Variants in PRPSAP1 observed in about 807,000 individuals in gnomAD.
PRPSAP1 encodes phosphoribosyl pyrophosphate synthetase associated protein 1.
In PRPSAP1, 31 loss-of-function variants were observed where a neutral mutation model predicts 39.4. That is an observed-to-expected ratio of 0.79 (90% CI 0.59 to 1.06). The LOEUF is 1.06. Among genes scored for constraint, PRPSAP1 ranks in the 50% least tolerant of loss-of-function variants. The probability of loss-of-function intolerance (pLI) is 0.00; values close to 1 mark genes in which losing one functional copy is unlikely to be tolerated. For missense variants in PRPSAP1, 430 were observed against 511.6 expected (o/e 0.84, Z 1.54); for synonymous variants, 212 against 192.6 (o/e 1.10, Z -0.83).
chr17:76,346,668 AGTT>A (rs1369675708), intron 2 of PRPSAP1, among the ~76,000 whole-genome samples: 1 of 152,236 alleles, frequency 6.6e-6, no homozygotes, highest in African/African-American at 2.4e-5. Context: ...GCTTGTGAAA[AGTT>A]GTTAAACAAC....
In PRPSAP1 at chr17:76,353,632, G is replaced by A. The variant is rs767321204; in HGVS notation, c.72C>T (p.Pro24=). ...CGGCGTTCATGGCCGGCGGGGGAAC[G>A]GGGCGGGCGCGCGGGACGCGGAAAG... The part of the protein sequence containing the change: ...SSAFRVPRAR[P]VPPPAMNAAR... The change falls in exon 1 of 10, where the codon CCC becomes CCT. Residue 24 remains proline (P), a synonymous_variant. Transcript: ENST00000446526. 3.2e-6 allele frequency: 5 copies of A among 1,542,646 alleles called. No homozygotes were observed. Among genetic ancestry groups the A allele is most frequent in the South Asian group, 2.4e-5 (2 of 84,062 alleles).
rs1430248388 is a variant in PRPSAP1, at chr17:76,353,897, G to T, written c.-194C>A. 3.0e-6 allele frequency: 4 copies of T among 1,331,796 alleles called. No homozygotes were observed. The African/African-American group carries it at 6.2e-5, about 21-fold the overall frequency. The allele number at this position is 1,331,796 out of a possible 1,614,324, so 82.5% of individuals were successfully genotyped here. On this transcript the variant is annotated 5_prime_UTR_variant, in exon 1 of 10. Coordinates refer to ENST00000446526, the MANE Select transcript of PRPSAP1 (RefSeq NM_002766.3). ...CCGAGCCTTCGCAGCGCCCGGCGCC[G>T]CCGCCTCAGAGCCAGAGGCAAGGCC... is the stretch of plus-strand genomic sequence containing the variant.
chr17:76,348,724 T>C (rs1211841009), intron 1 of PRPSAP1, 143 bp from the exon 2 acceptor site: 3 of 640,030 alleles, frequency 4.7e-6, no homozygotes, highest in East Asian at 3.6e-5. Context: ...ATCTAATTCA[T>C]TAAACTAAAA....
At chr17:76,347,728 A>G (rs1275753384) in intron 2 of PRPSAP1, among the ~76,000 whole-genome samples, 1 of 152,048 alleles carries the variant, frequency 6.6e-6, no homozygotes, top group East Asian at 1.9e-4. Flanking sequence ...AAACCGTGGC[A>G]GGGCAGGAGT....
At chr17:76,350,283 C>T (rs2071553781) in intron 1 of PRPSAP1, among the ~76,000 whole-genome samples, 1 of 151,526 alleles carries the variant, frequency 6.6e-6, no homozygotes, top group Admixed American at 6.6e-5. Context: ...ACTAAAAATA[C>T]AAAAAATTAG....
intron 3 of PRPSAP1, among the ~76,000 whole-genome samples, chr17:76,343,958 T>C (rs910211974): frequency 6.6e-6 from 1 of 152,152 alleles, no homozygotes; most frequent in Non-Finnish European, 1.5e-5. Context: ...TATAACTTTT[T>C]TTTTTCTTTG....
At chr17:76,349,567 CCTAA>C (rs1240454344) in intron 1 of PRPSAP1, among the ~76,000 whole-genome samples, 9 of 151,820 alleles carry the variant, frequency 5.9e-5, no homozygotes, top group African/African-American at 2.2e-4. Flanking sequence ...TCGAGACCAG[CCTAA>C]CTAATATAAT....
rs369499551 is a variant in PRPSAP1, at chr17:76,311,535, G to T, written c.*7C>A. ...CAGGAGGTCCAGGGTCGAGACCCTC[G>T]TGAAAGCTAGTCATCCACAGTGATG... On this transcript the variant is annotated 3_prime_UTR_variant, in exon 10 of 10. Coordinates refer to ENST00000446526, the MANE Select transcript of PRPSAP1 (RefSeq NM_002766.3). 6.8e-6 allele frequency: 11 copies of T among 1,612,878 alleles called. No homozygotes were observed. Among genetic ancestry groups the T allele is most frequent in the Non-Finnish European group, 9.3e-6 (11 of 1,179,430 alleles).
In PRPSAP1 at chr17:76,353,885, G is replaced by C; in HGVS notation, c.-182C>G. The C allele has an allele frequency of 7.5e-7, 1 of 1,328,848 alleles. No individual in the cohort carries two copies. The highest frequency in any genetic ancestry group is 9.6e-7 in the Non-Finnish European group (1 of 1,044,694). The allele number at this position is 1,328,848 out of a possible 1,614,324, so 82.3% of individuals were successfully genotyped here. On this transcript the variant is annotated 5_prime_UTR_variant, in exon 1 of 10. Transcript: ENST00000446526. ...TGACTACAGCGGCCGAGCCTTCGCAGCGCCCGGCGCCGCCGCCTCAGAGCC... is the reference window on the plus strand; with the variant it reads ...TGACTACAGCGGCCGAGCCTTCGCACCGCCCGGCGCCGCCGCCTCAGAGCC...
At chr17:76,342,632 G>A (rs2071451699) in intron 3 of PRPSAP1, among the ~76,000 whole-genome samples, 3 of 151,264 alleles carry the variant, frequency 2.0e-5, no homozygotes, top group South Asian at 2.1e-4. Context: ...TGGGAGGATC[G>A]CTTTGAGTTC....
In PRPSAP1 at chr17:76,323,847, T is replaced by C. The variant is rs138335066; in HGVS notation, c.781+4870A>G. On this transcript the variant is annotated intron_variant, in intron 7 of 9. Transcript: ENST00000446526. ...GGGTTTGAGAACAGTGACTACAATT[T>C]TGAAAGTAGTTCTTTCGGCTGGGCG... is the stretch of plus-strand genomic sequence containing the variant. Among the ~76,000 whole-genome samples the C allele has an allele frequency of 1.3e-3, 196 of 152,276 alleles. 3 individuals are homozygous for C. The East Asian group carries it at 0.034, about 26-fold the overall frequency.
At chr17:76,319,658 G>A (rs546992734) in intron 7 of PRPSAP1, among the ~76,000 whole-genome samples, 42 of 151,662 alleles carry the variant, frequency 2.8e-4, no homozygotes, top group East Asian at 6.0e-4. Flanking sequence ...TAGTAGAGAC[G>A]GGGTTTCACC....
At chr17:76,334,188 G>A (rs2071355378) in intron 3 of PRPSAP1, among the ~76,000 whole-genome samples, 1 of 152,108 alleles carries the variant, frequency 6.6e-6, no homozygotes, top group African/African-American at 2.4e-5. Flanking sequence ...TCTTGGGGTG[G>A]GGGTGGGGGT....
rs2071205185 is a variant in PRPSAP1 at position 76,322,204 on chromosome 17, C to A, written c.781+6513G>T. ...TTGAGGTCAGGAGTTCGTGACCAGCCCGACCAACATGGTGAAACCTCATCT... is the reference window on the plus strand; with the variant it reads ...TTGAGGTCAGGAGTTCGTGACCAGCACGACCAACATGGTGAAACCTCATCT... On this transcript the variant is annotated intron_variant, in intron 7 of 9. Transcript: ENST00000446526. Among the ~76,000 whole-genome samples the A allele has an allele frequency of 3.9e-5, 6 of 152,206 alleles. 1 individual carries two copies. The highest frequency in any genetic ancestry group is 3.9e-4 in the Admixed American group (6 of 15,284).
At chr17:76,325,299 T>G (rs919330452) in intron 7 of PRPSAP1, among the ~76,000 whole-genome samples, 2 of 144,280 alleles carry the variant, frequency 1.4e-5, no homozygotes, top group Non-Finnish European at 3.0e-5. Flanking sequence ...GTCCCAGCTA[T>G]TCGGGAGGCT....
At chr17:76,347,996 A>C (rs1000039552) in intron 2 of PRPSAP1, among the ~76,000 whole-genome samples, 6 of 152,156 alleles carry the variant, frequency 3.9e-5, no homozygotes, top group African/African-American at 1.4e-4. Flanking sequence ...GTAAGGAAGC[A>C]GTAGTAAGAA....
At chr17:76,344,229 G>A (rs1482356606) in intron 3 of PRPSAP1, among the ~76,000 whole-genome samples, 6 of 152,144 alleles carry the variant, frequency 3.9e-5, no homozygotes, top group East Asian at 1.9e-4. Context: ...CTGGGTTCAC[G>A]CCTTTCTCCT....
rs1055662557 is a variant in PRPSAP1, at chr17:76,353,289, G to C, written c.170+245C>G. The C allele has an allele frequency of 3.2e-4, 154 of 483,340 alleles. 2 individuals carry two copies. The East Asian group carries it at 5.7e-3, about 18-fold the overall frequency. The allele number at this position is 483,340 out of a possible 1,614,324, so 29.9% of individuals were successfully genotyped here. ...GGACTGCGGAGACGAAAGGCAGGCA[G>C]GCCGCGGACCCAGTCACGGGGCGGG... On this transcript the variant is annotated intron_variant, in intron 1 of 9. Transcript: ENST00000446526.
At chr17:76,345,939 T>C in intron 2 of PRPSAP1, 1 of 450,158 alleles carries the variant, frequency 2.2e-6, no homozygotes, top group Non-Finnish European at 4.4e-6. Flanking sequence ...AACCTGCTCC[T>C]CCCTCCAAAG....
Sources: gnomAD v4.1 joint callset for allele counts (sites outside exome capture counted in the v4.1 genomes callset) on GRCh38, gnomAD v4.1.1 for gene constraint, MANE v1.5 for transcripts, NCBI Gene and HGNC (gene_info 2026-07-23, HGNC 2026-07-21) for gene names.